Variants in COL16A1 observed in about 807,000 individuals in gnomAD.
COL16A1 encodes collagen alpha-1(XVI) chain.
A neutral mutation model predicts 266.3 loss-of-function variants in COL16A1; 189 were observed. The ratio of observed to expected loss-of-function variants is 0.71; its 90% CI spans 0.63 to 0.80. COL16A1 has a LOEUF of 0.80. Ranked by LOEUF, COL16A1 falls within the 30% of genes least tolerant of loss-of-function variation. The probability of loss-of-function intolerance (pLI) is 0.00; values close to 1 mark genes in which losing one functional copy is unlikely to be tolerated. For missense variants in COL16A1, 1,928 were observed against 2,122.4 expected (o/e 0.91, Z 1.80); for synonymous variants, 740 against 782.3 (o/e 0.95, Z 0.90).
chr1:31,690,154 C>T (rs182540326), intron 22 of COL16A1, among the ~76,000 whole-genome samples: 1 of 152,314 alleles, frequency 6.6e-6, no homozygotes, highest in Non-Finnish European at 1.5e-5. Flanking sequence ...CATTCATAAC[C>T]ATGTGTGTGG....
intron 68 of COL16A1, 85 bp downstream of exon 68, chr1:31,654,707 T>C: frequency 6.2e-7 from 1 of 1,608,614 alleles, no homozygotes; most frequent in Non-Finnish European, 8.5e-7. Flanking sequence ...CATTGAGCGT[T>C]AAGGAGAAAG....
In COL16A1 at chr1:31,685,850, AATGTC is replaced by A; in HGVS notation, c.1885-85_1885-81del. 1 of 1,587,454 alleles carries A rather than the reference AATGTC, an allele frequency of 6.3e-7. No homozygotes were observed. The highest frequency in any genetic ancestry group is 8.6e-7 in the Non-Finnish European group (1 of 1,162,482). On this transcript the variant is annotated intron_variant, in intron 28 of 70. Coordinates refer to ENST00000373672, the MANE Select transcript of COL16A1 (RefSeq NM_001856.4). The surrounding 1 kb of genome is among the most constrained non-coding windows in gnomAD (Gnocchi z 4.0). ...CGAGGTTTGGAATCTAGGGCTGGGG[AATGTC>A]ACTGGGTCTGACACTGCACCTCTGC...
At chr1:31,693,209 G>A in intron 12 of COL16A1, 55 bp from the exon 13 acceptor site, 3 of 1,174,664 alleles carry the variant, frequency 2.6e-6, no homozygotes, top group Non-Finnish European at 3.8e-6. Context: ...TGGGAGCCTT[G>A]AGAAAGCTCT....
chr1:31,698,840 T>C lies in COL16A1; in HGVS notation c.267-234A>G, dbSNP rs147057419. The stretch of plus-strand genomic sequence containing the variant: ...TGGGTGCGGTGGCTCATGCCTGTAA[T>C]CCCAGCACTTTGGGAGGCCGAGGTG... On this transcript the variant is annotated intron_variant, in intron 4 of 70. Transcript: ENST00000373672. The surrounding 1 kb of genome is among the most constrained non-coding windows in gnomAD (Gnocchi z 4.1). Among the ~76,000 whole-genome samples, 2,713 of 152,278 alleles carry C rather than the reference T, an allele frequency of 0.018. 71 individuals are homozygous for C. Among genetic ancestry groups the C allele is most frequent in the African/African-American group, 0.062 (2,572 of 41,554 alleles).
intron 62 of COL16A1, 59 bp from the exon 63 acceptor site, chr1:31,659,023 G>T: frequency 2.1e-6 from 3 of 1,452,928 alleles, no homozygotes; most frequent in Non-Finnish European, 2.8e-6. Flanking sequence ...CCCCTGGGAG[G>T]CACAGGGCCT....
intron 63 of COL16A1, 83 bp from the exon 64 acceptor site, chr1:31,658,660 CGT>C (rs1249832090): frequency 2.3e-6 from 3 of 1,300,498 alleles, no homozygotes; most frequent in Non-Finnish European, 3.3e-6. Context: ...GACACCCCAT[CGT>C]GTGCCAGGGA....
In COL16A1 at chr1:31,675,019, C is replaced by G. The variant is rs749060377; in HGVS notation, c.2847G>C (p.Gln949His). The change falls in exon 44 of 71, where the codon CAG (glutamine) becomes CAC (histidine). Residue 949 changes from glutamine to histidine, a missense_variant. By Grantham distance (24) the Gln-to-His change is conservative (BLOSUM62 0). This residue lies in a region of COL16A1 where 1,552 missense variants were observed against 1,637.2 expected (regional missense o/e 0.95). Transcript: ENST00000373672. ...TAELGSLPIEQHLLKSICGDC... is the reference protein window; with the variant it reads ...TAELGSLPIEHHLLKSICGDC... ...GGTACCCTCTTACCTTAAGGAGGTG[C>G]TGTTCAATTGGTAAGGATCCCTGCA... 1.2e-6 allele frequency: 2 copies of G among 1,613,010 alleles called. No individual in the cohort carries two copies. The highest frequency in any genetic ancestry group is 1.7e-6 in the Non-Finnish European group (2 of 1,179,470).
chr1:31,665,486 T>G, intron 55 of COL16A1, 97 bp downstream of exon 55: 2 of 1,604,186 alleles, frequency 1.2e-6, no homozygotes, highest in South Asian at 1.1e-5. Flanking sequence ...TCCCCTCTTC[T>G]CCCCAGGACC....
intron 13 of COL16A1, 90 bp from the exon 14 acceptor site, chr1:31,692,898 A>G: frequency 1.6e-6 from 2 of 1,277,368 alleles, no homozygotes; most frequent in Non-Finnish European, 2.3e-6. Context: ...GGAACCCCAT[A>G]GTCCTAAGTA....
In COL16A1 at chr1:31,667,598, A is replaced by T; in HGVS notation, c.3334T>A (p.Ser1112Thr). Reference sequence around the variant, plus strand: ...ACCGGCTCTCCTTTCTCTCCCGCTGACCCGGTGTAGCCACGCTCCCCCTTG... The same window carrying T: ...ACCGGCTCTCCTTTCTCTCCCGCTGTCCCGGTGTAGCCACGCTCCCCCTTG... The part of the protein sequence containing the change: ...GIKGERGYTG[S>T]AGEKGEPGPP... The change falls in exon 52 of 71, where the codon TCA (serine) becomes ACA (threonine). Residue 1112 changes from serine (S) to threonine (T), a missense_variant. By Grantham distance (58) the Ser-to-Thr change is moderately conservative. Transcript: ENST00000373672. 1 of 1,603,498 alleles carries T rather than the reference A, an allele frequency of 6.2e-7. No homozygotes were observed. Among genetic ancestry groups the T allele is most frequent in the Non-Finnish European group, 8.5e-7 (1 of 1,175,674 alleles).
intron 31 of COL16A1, 118 bp from the exon 32 acceptor site, chr1:31,684,349 TCAAAA>T: frequency 6.9e-7 from 1 of 1,446,812 alleles, no homozygotes; most frequent in Non-Finnish European, 9.1e-7. Flanking sequence ...GCCTGGGAAA[TCAAAA>T]CAGGCCCCTG....
rs781343297 is a variant in COL16A1 at position 31,697,906 on chromosome 1, C to A, written c.657G>T (p.Ser219=). Residue 219 remains serine (S), a splice_region_variant and synonymous_variant, in exon 6 of 71, where the codon TCG becomes TCT. Coordinates refer to ENST00000373672, the MANE Select transcript of COL16A1 (RefSeq NM_001856.4). This position sits in a 1 kb window ranked among gnomAD's most constrained non-coding sequence, Gnocchi z 4.2. The part of the protein sequence containing the change: ...GLDAEQGKPV[S]FDLQQVHIYC... ...GGTCAGGGCCTGACCTAGCACTCAC[C>A]GAGACAGGCTTGCCCTGCTCAGCAT... The A allele has an allele frequency of 6.2e-6, 10 of 1,608,518 alleles. No homozygotes were observed. The highest frequency in any genetic ancestry group is 1.7e-5 in the Admixed American group (1 of 59,816).
Position 31,685,475 on chromosome 1 carries a change from C to T in COL16A1, c.2016+164G>A, listed in dbSNP as rs892973253. Among the ~76,000 whole-genome samples the T allele has an allele frequency of 6.6e-6, 1 of 152,174 alleles. No individual in the cohort carries two copies. Among genetic ancestry groups the T allele is most frequent in the African/African-American group, 2.4e-5 (1 of 41,432 alleles). ...CTGTCCCAGGATAAAGGGCAGAGACCTGTGAGGGCCGCTCCTGCTGGAGAC... is the reference window on the plus strand; with the variant it reads ...CTGTCCCAGGATAAAGGGCAGAGACTTGTGAGGGCCGCTCCTGCTGGAGAC... On this transcript the variant is annotated intron_variant, in intron 29 of 70. Transcript: ENST00000373672. This position sits in a 1 kb window ranked among gnomAD's most constrained non-coding sequence, Gnocchi z 4.0.
In COL16A1 at chr1:31,688,848, A is replaced by G. The variant is rs1375037061; in HGVS notation, c.1767+13T>C. On this transcript the variant is annotated intron_variant, in intron 25 of 70. Transcript: ENST00000373672. The surrounding 1 kb of genome is among the most constrained non-coding windows in gnomAD (Gnocchi z 4.9). ...GCTGAACTGGGCTGGGCTGGGAGAA[A>G]GTCGTCACTCACCGGAAGGCCAGGC... 1.2e-6 allele frequency: 2 copies of G among 1,609,944 alleles called. No individual in the cohort carries two copies. Among genetic ancestry groups the G allele is most frequent in the Non-Finnish European group, 1.7e-6 (2 of 1,177,742 alleles).
rs1328890590 is a variant in COL16A1 at position 31,695,955 on chromosome 1, TGTCCTAAGCTCTGTCCAGGAG to T, written c.918+112_918+132del. On this transcript the variant is annotated intron_variant, in intron 9 of 70. Transcript: ENST00000373672. ...TTCTTGATCAGAGCTGGCACCTACA[TGTCCTAAGCTCTGTCCAGGAG>T]GTGGGAAAGGCGGGAGGAGAGTGGG... 3.0e-6 allele frequency: 3 copies of T among 987,824 alleles called. No individual in the cohort carries two copies. The African/African-American group carries it at 4.8e-5, about 16-fold the overall frequency. The allele number at this position is 987,824 out of a possible 1,614,324, so 61.2% of individuals were successfully genotyped here. A position where few individuals can be genotyped will look rare whatever the true frequency, so the allele number is the denominator to read the frequency against.
chr1:31,689,682 GT>G, intron 23 of COL16A1, 58 bp downstream of exon 23: 1 of 1,361,320 alleles, frequency 7.3e-7, no homozygotes. Flanking sequence ...CTATGATCAT[GT>G]CCCCAGGTTT....
rs1158604494 is a variant in COL16A1 at position 31,662,496 on chromosome 1, A to AGCACACACACACAGGT, written c.3627+75_3627+90dup. ...CCACCCCTCCCCTGACTCCCACCTC[A>AGCACACACACACAGGT]GCACACACACACAGGTGCACACACA... On this transcript the variant is annotated intron_variant, in intron 57 of 70. Coordinates refer to ENST00000373672, the MANE Select transcript of COL16A1 (RefSeq NM_001856.4). 74 of 1,553,116 alleles carry AGCACACACACACAGGT rather than the reference A, an allele frequency of 4.8e-5. No individual in the cohort carries two copies. In the East Asian group the frequency reaches 1.8e-3, roughly 37 times the overall value.
chr1:31,700,264 C>A, intron 2 of COL16A1, 149 bp from the exon 3 acceptor site: 2 of 742,752 alleles, frequency 2.7e-6, no homozygotes, highest in Non-Finnish European at 4.6e-6. Flanking sequence ...GCCTTCTGAC[C>A]CTGGCTCCCC....
Position 31,698,064 on chromosome 1 carries a change from G to A in COL16A1, c.499C>T (p.Arg167Cys), listed in dbSNP as rs375268814. 9.9e-6 allele frequency: 16 copies of A among 1,613,984 alleles called. No homozygotes were observed. Among genetic ancestry groups the A allele is most frequent in the African/African-American group, 8.0e-5 (6 of 75,060 alleles). ...IFPVPQLFDL[R>C]WHKLMLSVAG... ...ACACTCAGCATCAGCTTGTGCCAACGCAAGTCGAAGAGCTGGGGCACTGGG... is the reference window on the plus strand; with the variant it reads ...ACACTCAGCATCAGCTTGTGCCAACACAAGTCGAAGAGCTGGGGCACTGGG... Residue 167 changes from arginine (R) to cysteine (C), a missense_variant, in exon 6 of 71, where the codon CGT becomes TGT. Transcript: ENST00000373672. The surrounding 1 kb of genome is among the most constrained non-coding windows in gnomAD (Gnocchi z 4.1).
Sources: gnomAD v4.1 joint callset for allele counts (sites outside exome capture counted in the v4.1 genomes callset) on GRCh38, gnomAD v4.1.1 for gene constraint, gnomAD v4.1.1 regional missense constraint, Gnocchi (gnomAD v3.1) non-coding constraint, MANE v1.5 for transcripts, NCBI Gene and HGNC (gene_info 2026-07-23, HGNC 2026-07-21) for gene names.